Variants in CD6 observed in about 807,000 individuals in gnomAD.
The protein encoded by CD6 is CD6 molecule, also known as T-cell differentiation antigen CD6.
A neutral mutation model predicts 75.3 loss-of-function variants in CD6; 53 were observed. That is an observed-to-expected ratio of 0.70 (90% CI 0.56 to 0.88). The LOEUF (loss-of-function observed/expected upper bound fraction) is 0.88, where lower values mean the gene tolerates loss of function less well. Ranked by LOEUF, CD6 falls within the 40% of genes least tolerant of loss-of-function variation. The probability of loss-of-function intolerance (pLI) is 0.00; values close to 1 mark genes in which losing one functional copy is unlikely to be tolerated. For synonymous variants in CD6, 359 were observed against 381.5 expected (o/e 0.94, Z 0.69); for missense variants, 770 against 897.1 (o/e 0.86, Z 1.81).
intron 1 of CD6, among the ~76,000 whole-genome samples, chr11:61,002,481 C>G (rs1003890222): frequency 2.0e-5 from 3 of 151,946 alleles, no homozygotes; most frequent in Non-Finnish European, 4.4e-5. Context: ...TGCTTGAACC[C>G]AGGAGGTGAA....
chr11:61,018,343 A>C lies in CD6; in HGVS notation c.1892A>C (p.Asn631Thr). The part of the protein sequence containing the change: ...SSTSSGEWYQ[N>T]FQPPPQPPSE... ...ACCTCATCCGGGGAGTGGTACCAGA[A>C]CTTCCAGCCACCACCCCAGCCCCCT... Residue 631 changes from asparagine (N) to threonine (T), a missense_variant, in exon 12 of 13, where the codon AAC becomes ACC. Transcript: ENST00000313421. 1 of 1,607,892 alleles carries C rather than the reference A, an allele frequency of 6.2e-7. No individual in the cohort carries two copies. Among genetic ancestry groups the C allele is most frequent in the Non-Finnish European group, 8.5e-7 (1 of 1,177,298 alleles).
In CD6 at chr11:61,008,843, C is replaced by T. The variant is rs1859005873; in HGVS notation, c.779C>T (p.Ser260Leu). 1.3e-6 allele frequency: 2 copies of T among 1,534,440 alleles called. No individual in the cohort carries two copies. Among genetic ancestry groups the T allele is most frequent in the South Asian group, 1.3e-5 (1 of 79,458 alleles). The change falls in exon 4 of 13, where the codon TCA (serine) becomes TTA (leucine). Residue 260 changes from serine (S) to leucine (L), a missense_variant and splice_region_variant. By Grantham distance (145) the Ser-to-Leu change is moderately radical. Transcript: ENST00000313421. ...AAAGAGGACGCGGGCGCGGTGTGCTCAGGTCAGTGGGCGGAGTCACTGAAG... is the reference window on the plus strand; with the variant it reads ...AAAGAGGACGCGGGCGCGGTGTGCTTAGGTCAGTGGGCGGAGTCACTGAAG... ...GHKEDAGAVCSEHQSWRLTGG... is the reference protein window; with the variant it reads ...GHKEDAGAVCLEHQSWRLTGG...
intron 1 of CD6, 90 bp downstream of exon 1, chr11:60,972,004 C>T: frequency 2.9e-6 from 4 of 1,358,746 alleles, no homozygotes; most frequent in Non-Finnish European, 4.1e-6. Context: ...TCCTTGTGGT[C>T]ACTTTTCTAG....
chr11:61,005,505 G>A (rs1590709342), intron 1 of CD6, among the ~76,000 whole-genome samples: 1 of 152,224 alleles, frequency 6.6e-6, no homozygotes, highest in South Asian at 2.1e-4. Context: ...GCCTCCCAGG[G>A]CAGAATGGAT....
At chr11:61,006,519 G>C in intron 1 of CD6, 55 bp from the exon 2 acceptor site, 1 of 1,442,676 alleles carries the variant, frequency 6.9e-7, no homozygotes, top group East Asian at 2.5e-5. Context: ...GGGTGTCTCT[G>C]TGGTCTCCAG....
At chr11:60,982,220 C>T (rs1259862470) in intron 1 of CD6, among the ~76,000 whole-genome samples, 2 of 144,248 alleles carry the variant, frequency 1.4e-5, no homozygotes, top group East Asian at 4.0e-4. Flanking sequence ...GGGGTCCCAT[C>T]TGAGGACCTC....
At chr11:60,987,225 C>A (rs1196965277) in intron 1 of CD6, among the ~76,000 whole-genome samples, 1 of 152,232 alleles carries the variant, frequency 6.6e-6, no homozygotes, top group South Asian at 2.1e-4. Context: ...CTGTTCTCTT[C>A]TGAGCTTCTG....
At chr11:60,984,411 C>G in intron 1 of CD6, among the ~76,000 whole-genome samples, 1 of 152,188 alleles carries the variant, frequency 6.6e-6, no homozygotes, top group Middle Eastern at 3.2e-3. Flanking sequence ...CACTGTGCCT[C>G]TGGTGGCTGC....
Position 61,013,546 on chromosome 11 carries a change from G to C in CD6, c.1274G>C (p.Arg425Thr), listed in dbSNP as rs1416657212. The change falls in exon 7 of 13, where the codon AGA becomes ACA. Residue 425 changes from arginine to threonine, a missense_variant. By Grantham distance (71) the Arg-to-Thr change is moderately conservative. Transcript: ENST00000313421. ...SLIFIAFILL[R>T]IKGKYALPVM... ...ATCTTCATAGCCTTCATCCTCTTGA[G>C]AATTAAAGGAAAATATGGTAAGTGC... is the stretch of plus-strand genomic sequence containing the variant. 3.1e-6 allele frequency: 5 copies of C among 1,614,030 alleles called. No individual in the cohort carries two copies. The highest frequency in any genetic ancestry group is 1.7e-6 in the Non-Finnish European group (2 of 1,180,042).
chr11:60,981,832 G>A (rs1275938764), intron 1 of CD6, among the ~76,000 whole-genome samples: 10 of 152,142 alleles, frequency 6.6e-5, no homozygotes, highest in Non-Finnish European at 8.8e-5. Flanking sequence ...AGGAAGCTCC[G>A]GGGCTGGGTC....
chr11:60,971,770 T>A lies in CD6; in HGVS notation c.-96T>A, dbSNP rs1048979041. ...AGAACAGCAAAGGGTAGAGCAGACC[T>A]GCGCCAGGGGCGCACAACGGCCGTG... is the stretch of plus-strand genomic sequence containing the variant. On this transcript the variant is annotated 5_prime_UTR_variant, in exon 1 of 13. Transcript: ENST00000313421. 17 of 1,260,240 alleles carry A rather than the reference T, an allele frequency of 1.3e-5. No individual in the cohort carries two copies. The African/African-American group carries it at 1.9e-4, about 14-fold the overall frequency. 78.1% of individuals were successfully genotyped at this position (1,260,240 alleles called of 1,614,324 possible).
chr11:60,997,015 T>TA (rs1421872927), intron 1 of CD6, among the ~76,000 whole-genome samples: 1 of 152,336 alleles, frequency 6.6e-6, no homozygotes, highest in East Asian at 1.9e-4. Flanking sequence ...CAAGGCCTTG[T>TA]AAGGTACATA....
At chr11:60,993,281 G>A (rs895435089) in intron 1 of CD6, among the ~76,000 whole-genome samples, 3 of 152,176 alleles carry the variant, frequency 2.0e-5, no homozygotes, top group African/African-American at 7.2e-5. Context: ...CACAAGAAAG[G>A]CGAGGAGTGA....
intron 1 of CD6, chr11:60,988,093 G>A (rs377249802): frequency 6.6e-6 from 1 of 152,268 alleles, no homozygotes; most frequent in Non-Finnish European, 1.5e-5. Flanking sequence ...TGTGAGATCA[G>A]ATTAGAGAGA....
At chr11:60,991,856 C>CTATATATATGTA (rs201654800) in intron 1 of CD6, among the ~76,000 whole-genome samples, 2 of 147,012 alleles carry the variant, frequency 1.4e-5, no homozygotes, top group African/African-American at 2.5e-5. Context: ...TCATATATAT[C>CTATATATATGTA]TATATATATG....
chr11:60,995,472 C>T (rs1227355928), intron 1 of CD6, among the ~76,000 whole-genome samples: 1 of 152,180 alleles, frequency 6.6e-6, no homozygotes, highest in African/African-American at 2.4e-5. Flanking sequence ...AATGGAATTA[C>T]AGGCGTTCCC....
chr11:61,002,359 A>T (rs1858624284), intron 1 of CD6, among the ~76,000 whole-genome samples: 1 of 152,226 alleles, frequency 6.6e-6, no homozygotes, highest in East Asian at 1.9e-4. Context: ...TCAAGACCCA[A>T]CCTGGCCAAC....
At position 60,992,881 on chromosome 11, in the gene CD6, G is replaced by T. The variant is rs183625633; in HGVS notation, c.50-13693G>T. ...AATTAAAATAAATAAATAAATAAAA[G>T]AAGCACCTGAATATTCTTCTCCTCC... On this transcript the variant is annotated intron_variant, in intron 1 of 12. Transcript: ENST00000313421. Among the ~76,000 whole-genome samples the T allele has an allele frequency of 1.3e-3, 192 of 151,328 alleles. 2 individuals carry two copies. The highest frequency in any genetic ancestry group is 0.012 in the East Asian group (62 of 5,170).
chr11:60,991,139 C>CTTTCTTTTT (rs1858045137), intron 1 of CD6, among the ~76,000 whole-genome samples: 1 of 123,050 alleles, frequency 8.1e-6, no homozygotes, highest in African/African-American at 3.1e-5. Flanking sequence ...CTTTTCTTTT[C>CTTTCTTTTT]TTTTTCTTTC....
Sources: allele counts gnomAD v4.1 joint callset (sites outside exome capture counted in the v4.1 genomes callset), GRCh38; gene constraint gnomAD v4.1.1; transcripts MANE v1.5; gene names NCBI Gene and HGNC (gene_info 2026-07-23, HGNC 2026-07-21).